The following ATAD3B variants were observed in gnomAD, a reference collection of about 807,000 sequenced individuals.
The protein encoded by ATAD3B is ATPase family AAA domain containing 3B, also known as ATPase family AAA domain-containing protein 3B.
A neutral mutation model predicts 70.2 loss-of-function variants in ATAD3B; 59 were observed. The observed-to-expected ratio is 0.84, with a 90% CI of 0.68 to 1.04. The LOEUF (loss-of-function observed/expected upper bound fraction) is 1.04. Ranked by LOEUF, ATAD3B falls within the 50% of genes least tolerant of loss-of-function variation. The pLI is 0.00. For synonymous variants in ATAD3B, 423 were observed against 388.6 expected (o/e 1.09, Z -1.04); for missense variants, 961 against 913.4 (o/e 1.05, Z -0.67).
chr1:1,493,317 C>CT (rs1640628396), intron 15 of ATAD3B, among the ~76,000 whole-genome samples: 1 of 152,082 alleles, frequency 6.6e-6, no homozygotes, highest in Admixed American at 6.6e-5. Flanking sequence ...TTGCTTGGTT[C>CT]TTTCTCAGAG....
At chr1:1,491,742 G>A (rs144008916) in intron 15 of ATAD3B, among the ~76,000 whole-genome samples, 19 of 152,058 alleles carry the variant, frequency 1.2e-4, no homozygotes, top group African/African-American at 4.1e-4. Flanking sequence ...CGTAGGAGCC[G>A]GGGTATGTAG....
intron 12 of ATAD3B, 153 bp from the exon 13 acceptor site, chr1:1,489,051 C>T (rs946003499): frequency 1.0e-5 from 14 of 1,366,242 alleles, no homozygotes; most frequent in Admixed American, 1.0e-4. Flanking sequence ...CTTGAGCCAC[C>T]GCCCCTGGCC....
downstream of ATAD3B, among the ~76,000 whole-genome samples, chr1:1,499,005 G>GCA (rs1450432431): frequency 2.0e-5 from 3 of 147,484 alleles, no homozygotes; most frequent in Non-Finnish European, 3.0e-5. Context: ...AGAGTCTCAT[G>GCA]CTGTCGCCTA....
At chr1:1,501,854 G>GT (rs746199380), downstream of ATAD3B, among the ~76,000 whole-genome samples, 43 of 151,010 alleles carry the variant, frequency 2.8e-4, no homozygotes, top group Non-Finnish European at 4.9e-4. Context: ...CTTTGGGTAA[G>GT]TTTTTTTTTG....
At chr1:1,485,430 AGACCCGG>A (rs1350772889) in intron 8 of ATAD3B, among the ~76,000 whole-genome samples, 1 of 151,968 alleles carries the variant, frequency 6.6e-6, no homozygotes, top group South Asian at 2.1e-4. Flanking sequence ...GGTCCTTGCA[AGACCCGG>A]GACTTGGGTG....
In ATAD3B at chr1:1,495,539, T is replaced by G. The variant is rs766021436; in HGVS notation, c.1669T>G (p.Cys557Gly). Residue 557 changes from cysteine (C) to glycine (G), a missense_variant, in exon 16 of 16, where the codon TGT (cysteine) becomes GGT (glycine). Physicochemically the swap from Cys to Gly is radical, Grantham distance 159. This residue lies in a region of ATAD3B where 417 missense variants were observed against 335.0 expected (regional missense o/e 1.24). Coordinates refer to ENST00000673477, the MANE Select transcript of ATAD3B (RefSeq NM_031921.6). The stretch of plus-strand genomic sequence containing the variant: ...CCTCACTGAGGCCATGATGGACGCC[T>G]GTGTGCAAGATGCTGTCCAGCAGTA... ...GVLTEAMMDA[C>G]VQDAVQQYRQ... 1.1e-5 allele frequency: 17 copies of G among 1,612,686 alleles called. No individual in the cohort carries two copies. The East Asian group carries it at 2.2e-4, about 21-fold the overall frequency.
At chr1:1,479,481 C>T (rs1317320448) in intron 4 of ATAD3B, among the ~76,000 whole-genome samples, 3 of 142,844 alleles carry the variant, frequency 2.1e-5, no homozygotes, top group African/African-American at 5.3e-5. Context: ...CACCCCTGTG[C>T]GCACACACCC....
chr1:1,501,987 T>C (rs1232973414), downstream of ATAD3B, among the ~76,000 whole-genome samples: 1 of 151,994 alleles, frequency 6.6e-6, no homozygotes, highest in African/African-American at 2.4e-5. Flanking sequence ...CAAGCAATTC[T>C]CCTGGCTCAG....
intron 1 of ATAD3B, among the ~76,000 whole-genome samples, chr1:1,474,692 G>A (rs1368137611): frequency 6.6e-6 from 1 of 151,896 alleles, no homozygotes; most frequent in African/African-American, 2.4e-5. Context: ...ACTAGAGACG[G>A]GGTTTCACCA....
chr1:1,503,599 G>C, the ATAD3B span: 1 of 1,612,218 alleles, frequency 6.2e-7, no homozygotes, highest in South Asian at 1.1e-5. Context: ...ATCAAAGGAC[G>C]CCCTGAATGT....
rs547099270 is a variant in ATAD3B, at chr1:1,482,271, C to T, written c.648C>T (p.Ser216=). 1.9e-5 allele frequency: 31 copies of T among 1,610,722 alleles called. No individual in the cohort carries two copies. Among genetic ancestry groups the T allele is most frequent in the Middle Eastern group, 1.8e-4 (1 of 5,460 alleles). ...GCGAGCAGATCCGCCTGAAGGCGTC[C>T]GAGCACCGTCAGACCGTCTTGGAGT... ...IIREQIRLKA[S]EHRQTVLESI... is the part of the protein sequence containing the mutation. Residue 216 remains serine, a synonymous_variant, in exon 6 of 16, where the codon TCC becomes TCT. Coordinates refer to ENST00000673477, the MANE Select transcript of ATAD3B (RefSeq NM_031921.6).
Position 1,490,434 on chromosome 1 carries a change from C to T in ATAD3B, c.1505+10C>T. 3 of 1,612,930 alleles carry T rather than the reference C, an allele frequency of 1.9e-6. No individual in the cohort carries two copies. Among genetic ancestry groups the T allele is most frequent in the Non-Finnish European group, 2.5e-6 (3 of 1,179,498 alleles). On this transcript the variant is annotated intron_variant, in intron 14 of 15. Coordinates refer to ENST00000673477, the MANE Select transcript of ATAD3B (RefSeq NM_031921.6). ...CCACAGAAGGAAAACGGTGAGTGTC[C>T]CGCCTCACCCGGCCCCCAATCCAGG...
At chr1:1,477,444 G>T (rs1041226193) in intron 2 of ATAD3B, 94 bp downstream of exon 2, 1 of 1,579,036 alleles carries the variant, frequency 6.3e-7, no homozygotes. Context: ...AGGGCCAGGG[G>T]CGTGTACATG....
At chr1:1,491,199 C>T (rs994713102) in intron 15 of ATAD3B, among the ~76,000 whole-genome samples, 6 of 152,020 alleles carry the variant, frequency 3.9e-5, no homozygotes, top group South Asian at 4.2e-4. Flanking sequence ...ACTCCAGGGC[C>T]GAGGAGCCGA....
intron 7 of ATAD3B, chr1:1,483,943 C>A (rs1436877096): frequency 6.6e-6 from 1 of 152,118 alleles, no homozygotes; most frequent in Non-Finnish European, 1.5e-5. Context: ...CAGTGGGCGC[C>A]GGCACCACGG....
intron 15 of ATAD3B, among the ~76,000 whole-genome samples, chr1:1,492,655 C>T (rs1422648720): frequency 8.6e-5 from 13 of 150,768 alleles, no homozygotes; most frequent in African/African-American, 2.2e-4. Context: ...ATTAACTGGA[C>T]GGGGCCGGGT....
At chr1:1,476,661 G>A (rs893181062) in intron 1 of ATAD3B, among the ~76,000 whole-genome samples, 1 of 150,510 alleles carries the variant, frequency 6.6e-6, no homozygotes, top group African/African-American at 2.4e-5. Flanking sequence ...AGTGCCCGCC[G>A]CCACGCCCGG....
At chr1:1,489,906 G>GAC in intron 13 of ATAD3B, 1 of 1,224,134 alleles carries the variant, frequency 8.2e-7, no homozygotes, top group Non-Finnish European at 1.0e-6. Context: ...CCATAATCTT[G>GAC]ACAGGGACTC....
In ATAD3B at chr1:1,496,498, C is replaced by T. The variant is rs147329358; in HGVS notation, c.*681C>T. ...CGGTGACTTCATGACCACACTGCGC[C>T]CAGGTGTAAGAGGGCACGCTTCTGC... On this transcript the variant is annotated 3_prime_UTR_variant, in exon 16 of 16. Transcript: ENST00000673477. 0.034 allele frequency: 5,135 copies of T among 152,470 alleles called. 137 individuals carry two copies. The highest frequency in any genetic ancestry group is 0.085 in the African/African-American group (3,515 of 41,126). The allele number at this position is 152,470 out of a possible 1,614,324, so 9.4% of individuals were successfully genotyped here. A position where few individuals can be genotyped will look rare whatever the true frequency, so the allele number is the denominator to read the frequency against.
Sources: allele counts gnomAD v4.1 joint callset (sites outside exome capture counted in the v4.1 genomes callset), GRCh38; gene constraint gnomAD v4.1.1; regional missense constraint gnomAD v4.1.1; transcripts MANE v1.5; gene names NCBI Gene and HGNC (gene_info 2026-07-23, HGNC 2026-07-21).